SYT9: variants seen among roughly 807,000 people sequenced by gnomAD.
SYT9 encodes synaptotagmin-9.
In SYT9, 22 loss-of-function variants were observed where a neutral mutation model predicts 48.4. That is an observed-to-expected ratio of 0.45 (90% confidence interval 0.32 to 0.65). The LOEUF (loss-of-function observed/expected upper bound fraction) is 0.65, where lower values mean the gene tolerates loss of function less well. Among genes scored for constraint, SYT9 ranks in the 30% least tolerant of loss-of-function variants. The pLI is 0.03. For synonymous variants in SYT9, 265 were observed against 245.0 expected (o/e 1.08, Z -0.76); for missense variants, 577 against 622.0 (o/e 0.93, Z 0.77).
intron 3 of SYT9, among the ~76,000 whole-genome samples, chr11:7,384,786 C>G (rs1850626807): frequency 6.6e-6 from 1 of 152,124 alleles, no homozygotes; most frequent in Admixed American, 6.6e-5. Flanking sequence ...TGATCTGATC[C>G]ACCACAGCCT....
At chr11:7,322,231 A>G (rs938907861) in intron 3 of SYT9, among the ~76,000 whole-genome samples, 1 of 151,860 alleles carries the variant, frequency 6.6e-6, no homozygotes, top group Non-Finnish European at 1.5e-5. Context: ...CCCACAATTG[A>G]CTCCCCAGGC....
At chr11:7,258,572 ATCT>A (rs1848020518) in intron 1 of SYT9, among the ~76,000 whole-genome samples, 1 of 152,124 alleles carries the variant, frequency 6.6e-6, no homozygotes, top group South Asian at 2.1e-4. Flanking sequence ...AGAAAAAAAA[ATCT>A]TCTAGGACAT....
chr11:7,243,956 T>A (rs1046391932), intron 1 of SYT9, among the ~76,000 whole-genome samples: 9 of 145,708 alleles, frequency 6.2e-5, no homozygotes, highest in South Asian at 2.2e-4. Context: ...TTTTTTTTTT[T>A]AAATTCATCT....
Position 7,385,367 on chromosome 11 carries a change from T to TGTGTGTGC in SYT9, c.1045-30672_1045-30671insTGTGCGTG, listed in dbSNP as rs1181968576. 4.2e-4 allele frequency among the ~76,000 whole-genome samples: 63 copies of TGTGTGTGC among 150,026 alleles called. 6 individuals carry two copies. Among genetic ancestry groups the TGTGTGTGC allele is most frequent in the African/African-American group, 1.3e-3 (55 of 40,762 alleles). On this transcript the variant is annotated intron_variant, in intron 3 of 6. Coordinates refer to ENST00000318881, the MANE Select transcript of SYT9 (RefSeq NM_175733.4). ...GTGTGTGTGTGTGTGTGTGTGTGTG[T>TGTGTGTGC]GTGCGTGTGTGTCCATGCAGCTAAT...
intron 6 of SYT9, among the ~76,000 whole-genome samples, chr11:7,436,735 A>T (rs1847718457): frequency 6.6e-6 from 1 of 152,252 alleles, no homozygotes; most frequent in Admixed American, 6.5e-5. Context: ...GAAGCAGACA[A>T]ATTGAGGAGA....
intron 3 of SYT9, among the ~76,000 whole-genome samples, chr11:7,343,307 C>G (rs1849745579): frequency 6.6e-6 from 1 of 152,086 alleles, no homozygotes; most frequent in African/African-American, 2.4e-5. Context: ...CTGTGTTTCC[C>G]TTTTAAAACT....
intron 1 of SYT9, among the ~76,000 whole-genome samples, chr11:7,278,879 C>G (rs1329824691): frequency 1.3e-5 from 2 of 152,152 alleles, no homozygotes; most frequent in Non-Finnish European, 2.9e-5. Context: ...TGCACTACAC[C>G]TAGGAACTTT....
intron 3 of SYT9, among the ~76,000 whole-genome samples, chr11:7,356,194 G>A (rs1270012474): frequency 6.6e-6 from 1 of 152,184 alleles, no homozygotes; most frequent in Admixed American, 6.5e-5. Flanking sequence ...TCCCATCAAA[G>A]GATGGAAGAA....
chr11:7,420,439 A>C (rs1847330461), intron 5 of SYT9, 67 bp from the exon 6 acceptor site: 1 of 1,577,020 alleles, frequency 6.3e-7, no homozygotes, highest in Non-Finnish European at 8.7e-7. Flanking sequence ...TCATCAGTTT[A>C]ATTGAGTAGC....
At chr11:7,350,002 C>T (rs1849880840) in intron 3 of SYT9, among the ~76,000 whole-genome samples, 2 of 152,206 alleles carry the variant, frequency 1.3e-5, no homozygotes, top group African/African-American at 4.8e-5. Flanking sequence ...CTGCTTTCAT[C>T]ACACTCCACC....
intron 6 of SYT9, among the ~76,000 whole-genome samples, chr11:7,464,645 A>G (rs1848296594): frequency 6.6e-6 from 1 of 152,212 alleles, no homozygotes; most frequent in South Asian, 2.1e-4. Flanking sequence ...GACCACATTC[A>G]TTGGTGACAC....
At chr11:7,429,416 T>G (rs1590022240) in intron 6 of SYT9, among the ~76,000 whole-genome samples, 1 of 152,106 alleles carries the variant, frequency 6.6e-6, no homozygotes, top group Admixed American at 6.5e-5. Flanking sequence ...AAGATCCAGG[T>G]TTAGGGAGAA....
At chr11:7,323,306 T>G (rs963387308) in intron 3 of SYT9, among the ~76,000 whole-genome samples, 13 of 152,256 alleles carry the variant, frequency 8.5e-5, no homozygotes, top group African/African-American at 2.9e-4. Flanking sequence ...GACTATGTTC[T>G]CTCTAACACT....
intron 1 of SYT9, among the ~76,000 whole-genome samples, chr11:7,266,059 A>C: frequency 6.6e-6 from 1 of 152,102 alleles, no homozygotes; most frequent in East Asian, 1.9e-4. Context: ...TTAACTTGGG[A>C]TTCAGAGGAT....
intron 6 of SYT9, among the ~76,000 whole-genome samples, chr11:7,434,154 C>A (rs4297440): frequency 0.14 from 20,763 of 152,260 alleles, 1,849 homozygotes; most frequent in Admixed American, 0.22. Context: ...CAAACACAAT[C>A]TGTAAAGACA....
chr11:7,344,237 C>A (rs1053173199), intron 3 of SYT9, among the ~76,000 whole-genome samples: 1 of 151,958 alleles, frequency 6.6e-6, no homozygotes, highest in Non-Finnish European at 1.5e-5. Flanking sequence ...CTTCCTAAAT[C>A]CCCCATCTTT....
intron 1 of SYT9, among the ~76,000 whole-genome samples, chr11:7,301,800 G>A (rs764396570): frequency 4.6e-5 from 7 of 152,156 alleles, no homozygotes. Context: ...TGACAGGCAG[G>A]GTTGTCCTTT....
intron 3 of SYT9, among the ~76,000 whole-genome samples, chr11:7,410,574 T>C (rs1049126805): frequency 7.9e-5 from 12 of 152,234 alleles, no homozygotes; most frequent in African/African-American, 2.9e-4. Context: ...CTTGCTGGAT[T>C]GATCCCTTTA....
intron 3 of SYT9, among the ~76,000 whole-genome samples, chr11:7,349,797 A>C (rs921720932): frequency 1.8e-4 from 27 of 152,366 alleles, no homozygotes; most frequent in South Asian, 6.2e-4. Context: ...CAAGTGATAA[A>C]GGTGAGATAG....
Sources: gnomAD v4.1 joint callset for allele counts (sites outside exome capture counted in the v4.1 genomes callset) on GRCh38, gnomAD v4.1.1 for gene constraint, MANE v1.5 for transcripts, NCBI Gene and HGNC (gene_info 2026-07-23, HGNC 2026-07-21) for gene names.